SV2C: variants seen among roughly 807,000 people sequenced by gnomAD.
SV2C encodes the protein solute carrier family 22 member B3.
In SV2C, 49 loss-of-function variants were observed where a neutral mutation model predicts 79.7. The ratio of observed to expected loss-of-function variants is 0.61; its 90% confidence interval spans 0.49 to 0.78. The LOEUF is 0.78. Among genes scored for constraint, SV2C ranks in the 30% least tolerant of loss-of-function variants. SV2C has a pLI of 0.00. For missense variants in SV2C, 833 were observed against 912.9 expected (o/e 0.91, Z 1.13); for synonymous variants, 334 against 333.2 (o/e 1.00, Z -0.03).
At chr5:76,219,074 C>T (rs766646503) in intron 4 of SV2C, among the ~76,000 whole-genome samples, 77 of 152,248 alleles carry the variant, frequency 5.1e-4, no homozygotes, top group Non-Finnish European at 4.1e-4. Flanking sequence ...GGTGTCAGGG[C>T]AGGCCTCACA....
At chr5:76,300,682 A>C in intron 10 of SV2C, 47 bp from the exon 11 acceptor site, 2 of 1,583,018 alleles carry the variant, frequency 1.3e-6, no homozygotes, top group Non-Finnish European at 1.7e-6. Flanking sequence ...ATACTGGTGC[A>C]TGCCTGGTAA....
the SV2C span, among the ~76,000 whole-genome samples, chr5:75,847,975 GC>G: frequency 6.6e-6 from 1 of 152,138 alleles, no homozygotes; most frequent in Non-Finnish European, 1.5e-5. Flanking sequence ...TGCCAGCTTA[GC>G]AAAATGGGAG....
chr5:76,157,472 A>G (rs1356915886), intron 2 of SV2C, among the ~76,000 whole-genome samples: 1 of 152,032 alleles, frequency 6.6e-6, no homozygotes, highest in East Asian at 1.9e-4. Context: ...AGAAAAAAAC[A>G]ATGAGCATAT....
intron 4 of SV2C, among the ~76,000 whole-genome samples, chr5:76,220,246 C>A (rs1387478019): frequency 6.6e-6 from 1 of 152,176 alleles, no homozygotes; most frequent in Non-Finnish European, 1.5e-5. Flanking sequence ...AGTGACAGGG[C>A]TAGTAGCTAC....
the SV2C span, among the ~76,000 whole-genome samples, chr5:75,987,834 T>C: frequency 7.9e-3 from 1,206 of 152,140 alleles, 17 homozygotes; most frequent in African/African-American, 0.027. Flanking sequence ...TAGTTAATGT[T>C]TGTGTAGAAT....
chr5:76,300,687 T>C (rs762594569), intron 10 of SV2C, 42 bp from the exon 11 acceptor site: 25 of 1,592,120 alleles, frequency 1.6e-5, no homozygotes, highest in Non-Finnish European at 1.9e-5. Flanking sequence ...GGTGCATGCC[T>C]GGTAAGAGCT....
At chr5:76,082,403 G>C (rs542179439), upstream of SV2C, 1 of 152,288 alleles carries the variant, frequency 6.6e-6, no homozygotes, top group South Asian at 2.1e-4. Context: ...TCTCCTGCAC[G>C]CCAAGGGGAG....
At chr5:75,887,607 C>T in the SV2C span, among the ~76,000 whole-genome samples, 6 of 152,156 alleles carry the variant, frequency 3.9e-5, no homozygotes, top group African/African-American at 1.4e-4. Context: ...TTCCAGTAGA[C>T]TTGCTGCTTC....
chr5:76,127,404 A>C (rs547013387), intron 1 of SV2C, among the ~76,000 whole-genome samples: 2 of 152,374 alleles, frequency 1.3e-5, no homozygotes, highest in South Asian at 4.1e-4. Context: ...ATATTTGTGC[A>C]AAATATCACA....
At chr5:76,312,505 G>A (rs374099706) in intron 12 of SV2C, among the ~76,000 whole-genome samples, 28 of 152,202 alleles carry the variant, frequency 1.8e-4, no homozygotes, top group Admixed American at 5.2e-4. Context: ...TGCCTGCCTC[G>A]GCCTCCCAAC....
chr5:75,948,372 A>G, the SV2C span, among the ~76,000 whole-genome samples: 3 of 152,122 alleles, frequency 2.0e-5, no homozygotes, highest in Admixed American at 1.3e-4. Context: ...ACAAATAATT[A>G]TTGAGTACTC....
chr5:76,159,649 G>C (rs1441889257), intron 2 of SV2C, among the ~76,000 whole-genome samples: 1 of 151,864 alleles, frequency 6.6e-6, no homozygotes, highest in African/African-American at 2.4e-5. Context: ...ATCACTCCAG[G>C]GTCTGCCTCC....
chr5:75,902,081 G>C, the SV2C span, among the ~76,000 whole-genome samples: 2 of 152,152 alleles, frequency 1.3e-5, no homozygotes, highest in Non-Finnish European at 2.9e-5. Context: ...CTCGTGCATG[G>C]TGTGCTGCAC....
intron 1 of SV2C, among the ~76,000 whole-genome samples, chr5:76,120,363 C>CT (rs911889334): frequency 9.7e-5 from 14 of 144,186 alleles, no homozygotes; most frequent in Admixed American, 2.1e-4. Context: ...TTCTTTTTCT[C>CT]TTTTTTTATT....
At chr5:75,882,557 G>C in the SV2C span, among the ~76,000 whole-genome samples, 393 of 149,422 alleles carry the variant, frequency 2.6e-3, no homozygotes, top group African/African-American at 6.5e-3. Flanking sequence ...CAGAGATATA[G>C]ATCAATGGAA....
chr5:76,280,173 A>G (rs1174471539), intron 4 of SV2C, among the ~76,000 whole-genome samples: 1 of 152,140 alleles, frequency 6.6e-6, no homozygotes, highest in Non-Finnish European at 1.5e-5. Context: ...TGGGGAAAAA[A>G]AGCATATTAC....
chr5:75,985,653 A>G, the SV2C span, among the ~76,000 whole-genome samples: 1 of 152,004 alleles, frequency 6.6e-6, no homozygotes, highest in East Asian at 1.9e-4. Context: ...GCTGAGATTC[A>G]GTAGTCTTTT....
chr5:76,143,397 C>A (rs6453205), intron 2 of SV2C, among the ~76,000 whole-genome samples: 63,318 of 152,050 alleles, frequency 0.42, 15,398 homozygotes, highest in Non-Finnish European at 0.56. Context: ...CCACGTCCAA[C>A]TCTATGTTAG....
At chr5:76,003,089 C>A in the SV2C span, among the ~76,000 whole-genome samples, 2 of 152,070 alleles carry the variant, frequency 1.3e-5, no homozygotes, top group African/African-American at 4.8e-5. Flanking sequence ...AGGGCTTTTT[C>A]CCCTTTTGCT....
Sources: gnomAD v4.1 joint callset for allele counts (sites outside exome capture counted in the v4.1 genomes callset) on GRCh38, gnomAD v4.1.1 for gene constraint, MANE v1.5 for transcripts, NCBI Gene and HGNC (gene_info 2026-07-23, HGNC 2026-07-21) for gene names.